The following TLL1 variants were observed in gnomAD, a reference collection of about 807,000 sequenced individuals.
TLL1 encodes tolloid-like protein 1.
In TLL1, 49 loss-of-function variants were observed where a neutral mutation model predicts 128.2. The ratio of observed to expected loss-of-function variants is 0.38; its 90% CI spans 0.30 to 0.48. The LOEUF (loss-of-function observed/expected upper bound fraction) is 0.48, where lower values mean the gene tolerates loss of function less well. Ranked by LOEUF, TLL1 falls within the 20% of genes least tolerant of loss-of-function variation. The pLI is 0.96. For synonymous variants in TLL1, 454 were observed against 418.8 expected (o/e 1.08, Z -1.03); for missense variants, 1,123 against 1,242.0 (o/e 0.90, Z 1.44).
intron 1 of TLL1, among the ~76,000 whole-genome samples, chr4:165,883,802 C>A (rs1321331638): frequency 4.6e-5 from 7 of 152,146 alleles, no homozygotes; most frequent in African/African-American, 4.8e-5. Flanking sequence ...CCCCAATAGA[C>A]CTTGTTTTAA....
intron 9 of TLL1, among the ~76,000 whole-genome samples, chr4:166,025,942 G>A (rs1738473608): frequency 1.3e-5 from 2 of 151,952 alleles, no homozygotes; most frequent in African/African-American, 4.8e-5. Flanking sequence ...GAGCCTAGAC[G>A]ACCATATGAA....
intron 19 of TLL1, among the ~76,000 whole-genome samples, chr4:166,092,260 A>G (rs1741809975): frequency 6.6e-6 from 1 of 152,118 alleles, no homozygotes; most frequent in African/African-American, 2.4e-5. Context: ...TTTGTAATTC[A>G]TAATTTTAAC....
chr4:166,096,087 G>A (rs1021362414), intron 19 of TLL1, among the ~76,000 whole-genome samples: 2 of 151,874 alleles, frequency 1.3e-5, no homozygotes, highest in African/African-American at 2.4e-5. Flanking sequence ...TTTCTCTCAG[G>A]GCATATTATA....
At chr4:166,026,803 A>T (rs1364828229) in intron 9 of TLL1, among the ~76,000 whole-genome samples, 1 of 152,244 alleles carries the variant, frequency 6.6e-6, no homozygotes, top group Non-Finnish European at 1.5e-5. Context: ...AAAAAAATTT[A>T]AAAGATTGTT....
intron 1 of TLL1, among the ~76,000 whole-genome samples, chr4:165,957,457 C>T (rs1007431033): frequency 5.4e-5 from 7 of 130,310 alleles, no homozygotes; most frequent in Non-Finnish European, 1.2e-4. Flanking sequence ...AGAATATCAA[C>T]AAAGAAATTC....
At chr4:165,959,482 G>A (rs572489756) in intron 1 of TLL1, among the ~76,000 whole-genome samples, 7 of 151,672 alleles carry the variant, frequency 4.6e-5, no homozygotes, top group Admixed American at 1.3e-4. Flanking sequence ...TCAACACTTG[G>A]CCAGTTGCAT....
chr4:165,977,458 T>C (rs971106302), intron 1 of TLL1, among the ~76,000 whole-genome samples: 4 of 152,084 alleles, frequency 2.6e-5, no homozygotes, highest in Non-Finnish European at 5.9e-5. Context: ...CAATCAAACC[T>C]CTTTCCTTTA....
chr4:165,990,639 A>G lies in TLL1; in HGVS notation c.280+1148A>G, dbSNP rs113645182. 7.1e-3 allele frequency among the ~76,000 whole-genome samples: 1,078 copies of G among 151,848 alleles called. 10 individuals carry two copies. Among genetic ancestry groups the G allele is most frequent in the African/African-American group, 0.023 (955 of 41,482 alleles). ...ACATGCATACGTGTGTTTAAAACAA[A>G]TTTGAAGTCAACTGCAGAAAACGCA... On this transcript the variant is annotated intron_variant, in intron 2 of 20. Coordinates refer to ENST00000061240, the MANE Select transcript of TLL1 (RefSeq NM_012464.5).
intron 18 of TLL1, among the ~76,000 whole-genome samples, chr4:166,082,267 A>G (rs567721537): frequency 2.0e-5 from 3 of 152,286 alleles, no homozygotes; most frequent in African/African-American, 7.2e-5. Flanking sequence ...TATCCCATGG[A>G]TCATATTCAT....
In TLL1 at chr4:165,920,005, A is replaced by G. The variant is rs925709058; in HGVS notation, c.169+45932A>G. ...GATTGAGGTCTGTATGAAGTCAGCC[A>G]TATAAATAGCTATTTCCAATGTGTT... On this transcript the variant is annotated intron_variant, in intron 1 of 20. Coordinates refer to ENST00000061240, the MANE Select transcript of TLL1 (RefSeq NM_012464.5). 3.2e-5 allele frequency: 9 copies of G among 277,212 alleles called. No individual in the cohort carries two copies. The Admixed American group carries it at 4.4e-4, about 14-fold the overall frequency. 17.2% of individuals were successfully genotyped at this position (277,212 alleles called of 1,614,324 possible).
intron 16 of TLL1, among the ~76,000 whole-genome samples, chr4:166,071,919 T>C (rs1454350520): frequency 6.6e-6 from 1 of 151,994 alleles, no homozygotes; most frequent in Non-Finnish European, 1.5e-5. Context: ...TATTTACTAC[T>C]CCGCAGACAA....
At chr4:165,955,797 A>G (rs1220838269) in intron 1 of TLL1, among the ~76,000 whole-genome samples, 2 of 152,188 alleles carry the variant, frequency 1.3e-5, no homozygotes, top group Non-Finnish European at 1.5e-5. Context: ...AGTTCTAAAC[A>G]TGGAAATGAA....
chr4:165,933,373 G>A (rs914370385), intron 1 of TLL1, among the ~76,000 whole-genome samples: 28 of 152,006 alleles, frequency 1.8e-4, no homozygotes, highest in African/African-American at 5.6e-4. Context: ...CAATGATTCC[G>A]GTGTTGTGCC....
rs1349383578 is a variant in TLL1, at chr4:166,025,297, T to C, written c.1043-19T>C. On this transcript the variant is annotated intron_variant, in intron 8 of 20. Transcript: ENST00000061240. ...TTATATAAATTAACCAATGATCTTA[T>C]ATATTTTTTTCCTTTCAGCATGTGG... The C allele has an allele frequency of 6.7e-7, 1 of 1,495,452 alleles. No homozygotes were observed. The highest frequency in any genetic ancestry group is 1.7e-5 in the Admixed American group (1 of 59,854). 92.6% of individuals were successfully genotyped at this position (1,495,452 alleles called of 1,614,324 possible).
chr4:165,995,873 A>G (rs1736850898), intron 5 of TLL1, among the ~76,000 whole-genome samples: 1 of 152,116 alleles, frequency 6.6e-6, no homozygotes, highest in Admixed American at 6.6e-5. Context: ...TCCTTCCCAC[A>G]TATCAATTTT....
intron 18 of TLL1, among the ~76,000 whole-genome samples, chr4:166,083,338 A>G (rs1406700426): frequency 8.1e-6 from 1 of 123,800 alleles, no homozygotes; most frequent in African/African-American, 2.5e-5. Context: ...TTGTTTAATG[A>G]CTAAATTTAG....
intron 1 of TLL1, among the ~76,000 whole-genome samples, chr4:165,970,115 C>A (rs949783659): frequency 1.3e-5 from 2 of 152,094 alleles, no homozygotes; most frequent in South Asian, 2.1e-4. Context: ...CTGTAGAAGA[C>A]CTCTTTTTTG....
At chr4:165,891,755 G>A (rs1363855965) in intron 1 of TLL1, among the ~76,000 whole-genome samples, 1 of 152,140 alleles carries the variant, frequency 6.6e-6, no homozygotes, top group Admixed American at 6.5e-5. Flanking sequence ...ACATCTTCCT[G>A]TCTTCTGAGC....
At chr4:165,906,291 C>G (rs190318318) in intron 1 of TLL1, among the ~76,000 whole-genome samples, 2 of 152,170 alleles carry the variant, frequency 1.3e-5, no homozygotes, top group African/African-American at 4.8e-5. Context: ...GTATGCACTA[C>G]GTGCCAGCTT....
Sources: allele counts gnomAD v4.1 joint callset (sites outside exome capture counted in the v4.1 genomes callset), GRCh38; gene constraint gnomAD v4.1.1; transcripts MANE v1.5; gene names NCBI Gene and HGNC (gene_info 2026-07-23, HGNC 2026-07-21).